The following EXOC6B variants were observed in gnomAD, a reference collection of about 807,000 sequenced individuals.
EXOC6B encodes exocyst complex component 6B, also known as SEC15 homolog B.
Under a neutral mutation model 113.5 loss-of-function variants are expected in EXOC6B, and 54 were observed. The observed-to-expected ratio is 0.48, with a 90% CI of 0.38 to 0.60. The LOEUF (loss-of-function observed/expected upper bound fraction) is 0.60, where lower values mean the gene tolerates loss of function less well. EXOC6B is among the 20% of genes least tolerant of loss of function. The pLI is 0.00. For synonymous variants in EXOC6B, 357 were observed against 339.0 expected (o/e 1.05, Z -0.58); for missense variants, 797 against 977.5 (o/e 0.82, Z 2.46).
intron 2 of EXOC6B, among the ~76,000 whole-genome samples, chr2:72,738,531 T>G (rs1191654441): frequency 6.6e-6 from 1 of 152,234 alleles, no homozygotes; most frequent in African/African-American, 2.4e-5. Flanking sequence ...AGTTTTCTGA[T>G]GAACATTCAA....
chr2:72,610,956 A>T (rs1671037661), intron 6 of EXOC6B, among the ~76,000 whole-genome samples: 1 of 152,200 alleles, frequency 6.6e-6, no homozygotes. Context: ...TGATATGATT[A>T]AAAGGGCACT....
At chr2:72,190,687 T>C (rs1316562433) in intron 20 of EXOC6B, among the ~76,000 whole-genome samples, 1 of 152,220 alleles carries the variant, frequency 6.6e-6, no homozygotes, top group East Asian at 1.9e-4. Flanking sequence ...CTTTCTCTCT[T>C]GAAGGGTAGC....
intron 18 of EXOC6B, among the ~76,000 whole-genome samples, chr2:72,401,409 C>A (rs1266459952): frequency 7.0e-6 from 1 of 143,502 alleles, no homozygotes; most frequent in African/African-American, 2.5e-5. Flanking sequence ...TTGCAGTGAG[C>A]CGAGATCATG....
chr2:72,741,194 C>G, intron 2 of EXOC6B, 110 bp downstream of exon 2: 1 of 1,098,402 alleles, frequency 9.1e-7, no homozygotes, highest in Non-Finnish European at 1.3e-6. Context: ...TCTAATTATA[C>G]AAAAATCTTC....
At chr2:72,274,081 A>G (rs1407683794) in intron 20 of EXOC6B, among the ~76,000 whole-genome samples, 2 of 152,152 alleles carry the variant, frequency 1.3e-5, no homozygotes, top group African/African-American at 4.8e-5. Context: ...TGAGAAACAA[A>G]TTAATCCCAG....
intron 20 of EXOC6B, among the ~76,000 whole-genome samples, chr2:72,212,069 A>G (rs1371993406): frequency 6.6e-6 from 1 of 152,016 alleles, no homozygotes; most frequent in Non-Finnish European, 1.5e-5. Context: ...TGCAGAGGGC[A>G]TTTCTCCCTT....
At chr2:72,243,016 G>C (rs1214328661) in intron 20 of EXOC6B, among the ~76,000 whole-genome samples, 1 of 152,132 alleles carries the variant, frequency 6.6e-6, no homozygotes, top group East Asian at 1.9e-4. Context: ...ATGAGCCACT[G>C]TGCCTGGCCA....
At chr2:72,365,352 G>A (rs778634242) in intron 19 of EXOC6B, among the ~76,000 whole-genome samples, 1 of 151,960 alleles carries the variant, frequency 6.6e-6, no homozygotes, top group African/African-American at 2.4e-5. Context: ...AAAAAATCCT[G>A]GAAACCTGGA....
intron 6 of EXOC6B, among the ~76,000 whole-genome samples, chr2:72,623,005 G>A (rs1211520796): frequency 6.6e-6 from 1 of 152,134 alleles, no homozygotes; most frequent in Non-Finnish European, 1.5e-5. Flanking sequence ...TGAACTGGAA[G>A]GGGGCAAGAG....
chr2:72,737,251 C>A (rs1015620748), intron 2 of EXOC6B, among the ~76,000 whole-genome samples: 1 of 151,688 alleles, frequency 6.6e-6, no homozygotes, highest in Non-Finnish European at 1.5e-5. Context: ...GCATGAGGCA[C>A]AAGAATCGCT....
chr2:72,689,779 A>G (rs2104583162), intron 6 of EXOC6B, among the ~76,000 whole-genome samples: 1 of 152,344 alleles, frequency 6.6e-6, no homozygotes, highest in Non-Finnish European at 1.5e-5. Context: ...CCATGAGTCC[A>G]TAATGCAGCA....
chr2:72,219,019 T>C (rs527597557), intron 20 of EXOC6B, among the ~76,000 whole-genome samples: 3 of 151,440 alleles, frequency 2.0e-5, no homozygotes, highest in African/African-American at 2.4e-5. Context: ...TAACAACCAA[T>C]GTCTTAGTAA....
intron 20 of EXOC6B, among the ~76,000 whole-genome samples, chr2:72,234,083 C>CT (rs34660222): frequency 0.23 from 29,922 of 131,820 alleles, 6,733 homozygotes; most frequent in African/African-American, 0.6. Context: ...TGGACCGCCT[C>CT]TTTTTTTTTT....
intron 18 of EXOC6B, among the ~76,000 whole-genome samples, chr2:72,404,367 C>A (rs974282944): frequency 2.6e-5 from 4 of 152,222 alleles, no homozygotes; most frequent in Non-Finnish European, 4.4e-5. Flanking sequence ...AGTAGTGGTT[C>A]TCCCAGCACG....
At chr2:72,560,410 A>C (rs1703826167) in intron 7 of EXOC6B, among the ~76,000 whole-genome samples, 2 of 152,176 alleles carry the variant, frequency 1.3e-5, no homozygotes, top group Admixed American at 6.5e-5. Context: ...ACCAGTTTTT[A>C]CTATAACACT....
intron 8 of EXOC6B, among the ~76,000 whole-genome samples, chr2:72,531,496 C>T (rs184086633): frequency 3.9e-5 from 6 of 152,146 alleles, no homozygotes; most frequent in South Asian, 2.1e-4. Flanking sequence ...TCTTTTCAAG[C>T]GCATACTGAA....
intron 6 of EXOC6B, among the ~76,000 whole-genome samples, chr2:72,611,668 A>T (rs891579934): frequency 2.6e-5 from 4 of 152,170 alleles, no homozygotes; most frequent in Non-Finnish European, 4.4e-5. Context: ...TTTTTCTGTG[A>T]ATCTAAAATT....
At chr2:72,694,678 T>A (rs1677736475) in intron 6 of EXOC6B, among the ~76,000 whole-genome samples, 1 of 152,176 alleles carries the variant, frequency 6.6e-6, no homozygotes, top group African/African-American at 2.4e-5. Flanking sequence ...TTCTTTTGCA[T>A]TAAAATGCCA....
intron 20 of EXOC6B, among the ~76,000 whole-genome samples, chr2:72,259,769 G>A (rs374402270): frequency 6.6e-6 from 1 of 152,102 alleles, no homozygotes; most frequent in East Asian, 1.9e-4. Flanking sequence ...GTAGCAGTGC[G>A]GCCAGGCACA....
Sources: allele counts gnomAD v4.1 joint callset (sites outside exome capture counted in the v4.1 genomes callset), GRCh38; gene constraint gnomAD v4.1.1; transcripts MANE v1.5; gene names NCBI Gene and HGNC (gene_info 2026-07-23, HGNC 2026-07-21).